The following ATP6V1C2 variants were observed in gnomAD, a reference collection of about 807,000 sequenced individuals.
ATP6V1C2 encodes V-type proton ATPase subunit C 2.
In ATP6V1C2, 45 loss-of-function variants were observed where a neutral mutation model predicts 56.8. The ratio of observed to expected loss-of-function variants is 0.79; its 90% CI spans 0.62 to 1.02. The LOEUF is 1.02. Ranked by LOEUF, ATP6V1C2 falls within the 50% of genes least tolerant of loss-of-function variation. The probability of loss-of-function intolerance (pLI) is 0.00; values close to 1 mark genes in which losing one functional copy is unlikely to be tolerated. For synonymous variants in ATP6V1C2, 220 were observed against 201.3 expected, an observed-to-expected ratio of 1.09 and a Z score of -0.79; for missense variants, 463 against 519.7, an observed-to-expected ratio of 0.89 and a Z score of 1.06.
chr2:10,733,023 T>C (rs2148418430), intron 3 of ATP6V1C2, among the ~76,000 whole-genome samples: 1 of 151,974 alleles, frequency 6.6e-6, no homozygotes, highest in South Asian at 2.1e-4. Context: ...ACTGTGGCTA[T>C]AATTGTGAAA....
intron 3 of ATP6V1C2, among the ~76,000 whole-genome samples, chr2:10,733,739 C>T (rs1232172386): frequency 6.6e-6 from 1 of 151,706 alleles, no homozygotes; most frequent in African/African-American, 2.4e-5. Flanking sequence ...ATTTCCCAGG[C>T]GCTGGGGCGG....
At chr2:10,769,332 A>G (rs1664438248) in intron 6 of ATP6V1C2, among the ~76,000 whole-genome samples, 1 of 152,162 alleles carries the variant, frequency 6.6e-6, no homozygotes, top group East Asian at 1.9e-4. Context: ...GATGCCAGAG[A>G]AAAGTGTAAG....
intron 3 of ATP6V1C2, among the ~76,000 whole-genome samples, chr2:10,752,693 T>TA (rs1325968719): frequency 1.7e-4 from 26 of 152,168 alleles, no homozygotes; most frequent in Middle Eastern, 3.4e-3. Context: ...TCAAAATAAT[T>TA]ACATCAATTT....
At chr2:10,781,464 C>A (rs575876908) in intron 12 of ATP6V1C2, among the ~76,000 whole-genome samples, 1 of 151,386 alleles carries the variant, frequency 6.6e-6, no homozygotes, top group Non-Finnish European at 1.5e-5. Context: ...CGTGACAGAG[C>A]GAGATTCTGT....
chr2:10,759,870 C>A (rs1663796164), intron 4 of ATP6V1C2, among the ~76,000 whole-genome samples: 1 of 152,342 alleles, frequency 6.6e-6, no homozygotes, highest in Middle Eastern at 3.4e-3. Flanking sequence ...TCAGGTCGCA[C>A]AGCCAGTAGA....
chr2:10,768,753 G>A lies in ATP6V1C2; in HGVS notation c.413G>A (p.Arg138Gln), dbSNP rs763804757. ...CAGATCGAGATGGACCTGAAGTCCC[G>A]AACGGCCGCCTACAACACTCTGAAG... is the stretch of plus-strand genomic sequence containing the variant. ...LAQIEMDLKS[R>Q]TAAYNTLKTN... The change falls in exon 6 of 14, where the codon CGA becomes CAA. Residue 138 changes from arginine to glutamine, a missense_variant. Coordinates refer to ENST00000272238, the MANE Select transcript of ATP6V1C2 (RefSeq NM_001039362.2). The A allele has an allele frequency of 2.0e-5, 32 of 1,613,898 alleles. No homozygotes were observed. Among genetic ancestry groups the A allele is most frequent in the Admixed American group, 5.0e-5 (3 of 60,016 alleles).
intron 4 of ATP6V1C2, among the ~76,000 whole-genome samples, chr2:10,762,759 C>G (rs189114771): frequency 6.6e-6 from 1 of 152,220 alleles, no homozygotes; most frequent in Admixed American, 6.5e-5. Flanking sequence ...TCCCTCCACC[C>G]AGCCACCCAG....
At chr2:10,775,721 C>T (rs541930854) in intron 10 of ATP6V1C2, among the ~76,000 whole-genome samples, 4 of 152,212 alleles carry the variant, frequency 2.6e-5, no homozygotes, top group Non-Finnish European at 4.4e-5. Flanking sequence ...TCCACCGCTC[C>T]GGGAAGTGGG....
chr2:10,776,533 T>G (rs1219887438), intron 10 of ATP6V1C2, among the ~76,000 whole-genome samples: 3 of 152,180 alleles, frequency 2.0e-5, no homozygotes, highest in Non-Finnish European at 4.4e-5. Flanking sequence ...CCAAAGTGTT[T>G]TCTTCCTTAG....
chr2:10,764,359 T>A lies in ATP6V1C2; in HGVS notation c.312T>A (p.Phe104Leu). The change falls in exon 5 of 14, where the codon TTT becomes TTA. Residue 104 changes from phenylalanine to leucine, a missense_variant. Coordinates refer to ENST00000272238, the MANE Select transcript of ATP6V1C2 (RefSeq NM_001039362.2). ...GVDLTSFVTH[F>L]EWDMAKYPVK... is the part of the protein sequence containing the mutation. ...ACTTAACATCCTTTGTGACCCACTTTGAATGGGACATGGCCAAATATCCTG... is the reference window on the plus strand; with the variant it reads ...ACTTAACATCCTTTGTGACCCACTTAGAATGGGACATGGCCAAATATCCTG... 2 of 1,614,052 alleles carry A rather than the reference T, an allele frequency of 1.2e-6. No individual in the cohort carries two copies. The highest frequency in any genetic ancestry group is 1.7e-6 in the Non-Finnish European group (2 of 1,179,876).
At chr2:10,760,503 G>A (rs549952061) in intron 4 of ATP6V1C2, among the ~76,000 whole-genome samples, 107 of 152,358 alleles carry the variant, frequency 7.0e-4, no homozygotes, top group African/African-American at 2.6e-3. Flanking sequence ...CACAGTTGGA[G>A]CTGGTGTTCA....
chr2:10,764,281 T>C (rs774719844), intron 4 of ATP6V1C2, 50 bp from the exon 5 acceptor site: 2 of 1,480,314 alleles, frequency 1.4e-6, no homozygotes, highest in South Asian at 1.1e-5. Flanking sequence ...GTCTCAATCA[T>C]GGATGCAGAG....
At chr2:10,776,358 G>A (rs1324991219) in intron 10 of ATP6V1C2, among the ~76,000 whole-genome samples, 2 of 152,100 alleles carry the variant, frequency 1.3e-5, no homozygotes, top group South Asian at 2.1e-4. Flanking sequence ...AGAGCCAGAC[G>A]CTGCTGGGCT....
chr2:10,770,692 T>C (rs1190958023), intron 6 of ATP6V1C2, among the ~76,000 whole-genome samples: 2 of 152,232 alleles, frequency 1.3e-5, no homozygotes, highest in African/African-American at 2.4e-5. Context: ...TTGATCATCA[T>C]TGATTCGCAG....
At chr2:10,745,793 CCTGGCAACTACCTTT>C (rs1421876703) in intron 3 of ATP6V1C2, among the ~76,000 whole-genome samples, 1 of 152,156 alleles carries the variant, frequency 6.6e-6, no homozygotes, top group African/African-American at 2.4e-5. Flanking sequence ...TCCCCCAGGC[CCTGGCAACTACCTTT>C]CTACTTTCTC....
chr2:10,746,786 G>T (rs745612305), intron 3 of ATP6V1C2, among the ~76,000 whole-genome samples: 9 of 152,274 alleles, frequency 5.9e-5, no homozygotes, highest in Non-Finnish European at 8.8e-5. Flanking sequence ...TAAATTCATG[G>T]AAATTGCAGG....
chr2:10,737,948 C>T (rs1261747279), intron 3 of ATP6V1C2, among the ~76,000 whole-genome samples: 1 of 152,152 alleles, frequency 6.6e-6, no homozygotes, highest in East Asian at 1.9e-4. Context: ...GCCTTGGCCT[C>T]CCAAAATGCC....
rs1015704469 is a variant in ATP6V1C2, at chr2:10,782,343, C to T, written c.1162C>T (p.Leu388=). 3 of 1,614,084 alleles carry T rather than the reference C, an allele frequency of 1.9e-6. No individual in the cohort carries two copies. The African/African-American group carries it at 4.0e-5, about 22-fold the overall frequency. The stretch of plus-strand genomic sequence containing the variant: ...GGTTCTAAACTCTGTCTTCCGACAT[C>T]TGGATGAAGTAGCCGCTACAAGTAT... ...REVLNSVFRH[L]DEVAATSILD... Residue 388 remains leucine (L), a synonymous_variant, in exon 13 of 14, where the codon CTG becomes TTG. Coordinates refer to ENST00000272238, the MANE Select transcript of ATP6V1C2 (RefSeq NM_001039362.2).
intron 5 of ATP6V1C2, among the ~76,000 whole-genome samples, chr2:10,766,450 T>C (rs1664225977): frequency 6.6e-6 from 1 of 152,216 alleles, no homozygotes; most frequent in African/African-American, 2.4e-5. Flanking sequence ...AGAACTGGCA[T>C]TTAAATGTGG....
Sources: allele counts gnomAD v4.1 joint callset (sites outside exome capture counted in the v4.1 genomes callset), GRCh38; gene constraint gnomAD v4.1.1; transcripts MANE v1.5; gene names NCBI Gene and HGNC (gene_info 2026-07-23, HGNC 2026-07-21).